ABITRAM: variants seen among roughly 807,000 people sequenced by gnomAD.
ABITRAM encodes protein Abitram.
A neutral mutation model predicts 22.9 loss-of-function variants in ABITRAM; 19 were observed. That is an observed-to-expected ratio of 0.83 (90% CI 0.58 to 1.22). The LOEUF is 1.22. Among genes scored for constraint, ABITRAM ranks in the 50% most tolerant of loss-of-function variants. The pLI, the probability that ABITRAM is intolerant of heterozygous loss-of-function variation, is 0.00. For synonymous variants in ABITRAM, 70 were observed against 73.9 expected (o/e 0.95, Z 0.27); for missense variants, 215 against 220.2 (o/e 0.98, Z 0.15).
At chr9:108,950,456 T>C in intron 3 of ABITRAM, 8 of 1,537,412 alleles carry the variant, frequency 5.2e-6, no homozygotes, top group Non-Finnish European at 7.0e-6. Flanking sequence ...AAATGACAGC[T>C]AAACAGCAGC....
At chr9:108,950,653 C>G in exon 4 of ABITRAM, 1 of 1,530,208 alleles carries the variant, frequency 6.5e-7, no homozygotes, top group South Asian at 1.2e-5. Context: ...TGTCTGCTGC[C>G]TCACCTATCC....
Position 108,934,451 on chromosome 9 carries a change from T to A in ABITRAM, c.-36T>A. 1.3e-6 allele frequency: 2 copies of A among 1,531,012 alleles called. No homozygotes were observed. Among genetic ancestry groups the A allele is most frequent in the Non-Finnish European group, 1.8e-6 (2 of 1,137,748 alleles). The allele number at this position is 1,531,012 out of a possible 1,614,324, so 94.8% of individuals were successfully genotyped here. A position where few individuals can be genotyped will look rare whatever the true frequency, so the allele number is the denominator to read the frequency against. On this transcript the variant is annotated 5_prime_UTR_variant, in exon 1 of 6. Coordinates refer to ENST00000322940, the MANE Select transcript of ABITRAM (RefSeq NM_017832.4). Reference sequence around the variant, plus strand: ...GGGCTGCGCGGAGGAAGCGCTGGGGTCCCGGAGGGCGGGGGTGGCGGCGCC... The same window carrying A: ...GGGCTGCGCGGAGGAAGCGCTGGGGACCCGGAGGGCGGGGGTGGCGGCGCC...
rs1587944259 is a variant in ABITRAM at position 108,950,739 on chromosome 9, A to G, written c.*146A>G. On this transcript the variant is annotated 3_prime_UTR_variant, in exon 4 of 4. Coordinates refer to the ABITRAM transcript ENST00000374624. ...TTGCAAAAATAAATTGAACACATTA[A>G]CCCTTTCTTTTCTCCTTTTTCTCTT... 4.7e-6 allele frequency: 5 copies of G among 1,059,920 alleles called. No homozygotes were observed. The East Asian group carries it at 1.3e-4, about 28-fold the overall frequency. The allele number at this position is 1,059,920 out of a possible 1,614,324, so 65.7% of individuals were successfully genotyped here.
Position 108,947,112 on chromosome 9 carries a change from T to C in ABITRAM, c.262-3395T>C, listed in dbSNP as rs566159845. On this transcript the variant is annotated intron_variant, in intron 3 of 3. Transcript: ENST00000374624. ...TGAGTGATAAAGTGATAGAAATTTC[T>C]TTCTTTTTTTTTTTTTTTTGAGATG... Among the ~76,000 whole-genome samples, 104 of 136,162 alleles carry C rather than the reference T, an allele frequency of 7.6e-4. 3 individuals are homozygous for C. The South Asian group carries it at 0.023, about 31-fold the overall frequency. 89.3% of individuals were successfully genotyped at this position (136,162 alleles called of 152,430 possible).
At chr9:108,937,538 A>G (rs1830204929) in intron 3 of ABITRAM, among the ~76,000 whole-genome samples, 1 of 152,156 alleles carries the variant, frequency 6.6e-6, no homozygotes, top group South Asian at 2.1e-4. Flanking sequence ...AAGTCCCCTA[A>G]TAATTACTGA....
rs574775608 is a variant in ABITRAM at position 108,937,114 on chromosome 9, C to G, written c.261+677C>G. On this transcript the variant is annotated intron_variant, in intron 3 of 5. Transcript: ENST00000322940. Reference sequence around the variant, plus strand: ...GGCGGAGGTTGCAGTGAGCTGAGATCGCACCACTGCACTCCAGCCTGAGCG... The same window carrying G: ...GGCGGAGGTTGCAGTGAGCTGAGATGGCACCACTGCACTCCAGCCTGAGCG... Among the ~76,000 whole-genome samples, 4 of 152,214 alleles carry G rather than the reference C, an allele frequency of 2.6e-5. No individual in the cohort carries two copies. The South Asian group carries it at 6.2e-4, about 24-fold the overall frequency.
chr9:108,940,946 T>C lies in ABITRAM; in HGVS notation c.*1260T>C, dbSNP rs1216747769. On this transcript the variant is annotated 3_prime_UTR_variant, in exon 6 of 6. Coordinates refer to ENST00000322940, the MANE Select transcript of ABITRAM (RefSeq NM_017832.4). ...ACTGTTTTTAAATAAAATATACTTTTATACAGAAGAAATCATTCGATGTAT... is the reference window on the plus strand; with the variant it reads ...ACTGTTTTTAAATAAAATATACTTTCATACAGAAGAAATCATTCGATGTAT... 1 of 152,196 alleles carries C rather than the reference T, an allele frequency of 6.6e-6. No individual in the cohort carries two copies. The highest frequency in any genetic ancestry group is 1.5e-5 in the Non-Finnish European group (1 of 68,014). 9.4% of individuals were successfully genotyped at this position (152,196 alleles called of 1,614,324 possible).
Position 108,947,206 on chromosome 9 carries a change from C to T in ABITRAM, c.262-3301C>T, listed in dbSNP as rs192823662. Among the ~76,000 whole-genome samples the T allele has an allele frequency of 2.6e-3, 392 of 151,724 alleles. 3 individuals are homozygous for T. The highest frequency in any genetic ancestry group is 8.7e-3 in the African/African-American group (358 of 41,336). ...TCAGCTCACTGCAAGCTCCGCCTCC[C>T]GGGTTCACGCCACTCTCCTGCCTCA... On this transcript the variant is annotated intron_variant, in intron 3 of 3. Coordinates refer to the ABITRAM transcript ENST00000374624.
Position 108,939,870 on chromosome 9 carries a change from C to T in ABITRAM, c.*184C>T, listed in dbSNP as rs772538756. 3.1e-6 allele frequency: 2 copies of T among 642,868 alleles called. No individual in the cohort carries two copies. The highest frequency in any genetic ancestry group is 5.1e-6 in the Non-Finnish European group (2 of 392,896). 39.8% of individuals were successfully genotyped at this position (642,868 alleles called of 1,614,324 possible). On this transcript the variant is annotated 3_prime_UTR_variant, in exon 6 of 6. Coordinates refer to ENST00000322940, the MANE Select transcript of ABITRAM (RefSeq NM_017832.4). ...ATAATGAGCCTTGGTTCCCATTTGTCTACAGCCTGCCAGATCTGGCCTGCC... is the reference window on the plus strand; with the variant it reads ...ATAATGAGCCTTGGTTCCCATTTGTTTACAGCCTGCCAGATCTGGCCTGCC...
At chr9:108,943,858 C>G, downstream of ABITRAM, 1 of 1,606,568 alleles carries the variant, frequency 6.2e-7, no homozygotes, top group Non-Finnish European at 8.5e-7. Context: ...CGCAACAAAA[C>G]TCCATCTTTA....
chr9:108,948,189 T>C (rs752451731), intron 3 of ABITRAM: 11 of 1,612,094 alleles, frequency 6.8e-6, no homozygotes, highest in Admixed American at 1.7e-5. Context: ...GGCATACCTC[T>C]AGTTGATGAA....
downstream of ABITRAM, chr9:108,943,751 C>T (rs761160038): frequency 4.3e-6 from 7 of 1,613,658 alleles, no homozygotes; most frequent in African/African-American, 9.3e-5. Flanking sequence ...CTGTCTGGAG[C>T]TGGTGGCATA....
intron 3 of ABITRAM, among the ~76,000 whole-genome samples, chr9:108,936,720 G>A (rs1001803593): frequency 2.0e-5 from 3 of 152,110 alleles, no homozygotes; most frequent in Admixed American, 6.5e-5. Context: ...AACTCTAATA[G>A]CAATATAACA....
At position 108,939,715 on chromosome 9, in the gene ABITRAM, G is replaced by A. The variant is rs1206031327; in HGVS notation, c.*29G>A. The stretch of plus-strand genomic sequence containing the variant: ...TTGACATGGAACAAAAAGCAAAGTG[G>A]GATTCTTGTTACCTGGCCTAAACCA... On this transcript the variant is annotated 3_prime_UTR_variant, in exon 6 of 6. Transcript: ENST00000322940. 2.5e-6 allele frequency: 4 copies of A among 1,610,810 alleles called. No individual in the cohort carries two copies. Among genetic ancestry groups the A allele is most frequent in the Non-Finnish European group, 3.4e-6 (4 of 1,178,324 alleles).
At chr9:108,937,651 A>G (rs927247656) in intron 3 of ABITRAM, among the ~76,000 whole-genome samples, 5 of 152,156 alleles carry the variant, frequency 3.3e-5, no homozygotes, top group African/African-American at 1.2e-4. Context: ...TTACAATAAC[A>G]CTTAAGACTT....
chr9:108,948,165 T>C (rs1180981534), intron 3 of ABITRAM: 1 of 1,609,390 alleles, frequency 6.2e-7, no homozygotes, highest in Non-Finnish European at 8.5e-7. Context: ...AGTACTAGCA[T>C]AAAACGGAAA....
At chr9:108,936,171 T>C in intron 2 of ABITRAM, 137 bp from the exon 3 acceptor site, 1 of 877,610 alleles carries the variant, frequency 1.1e-6, no homozygotes, top group South Asian at 1.7e-5. Context: ...TATGCCCCAA[T>C]AGTAGCCAAA....
At chr9:108,950,557 G>A in exon 4 of ABITRAM, 1 of 1,550,322 alleles carries the variant, frequency 6.5e-7, no homozygotes, top group East Asian at 2.4e-5. Flanking sequence ...GGAAAATGAT[G>A]CCTCTAAGCT....
chr9:108,942,842 G>T (rs187725035), downstream of ABITRAM: 1,222 of 1,613,414 alleles, frequency 7.6e-4, 2 homozygotes, highest in Admixed American at 1.3e-3. Flanking sequence ...AAGCTGGAAA[G>T]AGTTAAGACA....
Sources: gnomAD v4.1 joint callset for allele counts (sites outside exome capture counted in the v4.1 genomes callset) on GRCh38, gnomAD v4.1.1 for gene constraint, MANE v1.5 for transcripts, NCBI Gene and HGNC (gene_info 2026-07-23, HGNC 2026-07-21) for gene names.